The following KCNQ1 variants were observed in gnomAD, a reference collection of about 807,000 sequenced individuals.
The protein encoded by KCNQ1 is potassium voltage-gated channel subfamily Q member 1.
Under a neutral mutation model 72.4 loss-of-function variants are expected in KCNQ1, and 49 were observed. The ratio of observed to expected loss-of-function variants is 0.68; its 90% CI spans 0.54 to 0.86. The LOEUF (loss-of-function observed/expected upper bound fraction) is 0.86, where lower values mean the gene tolerates loss of function less well. Ranked by LOEUF, KCNQ1 falls within the 40% of genes least tolerant of loss-of-function variation. The probability of loss-of-function intolerance (pLI) is 0.00; values close to 1 mark genes in which losing one functional copy is unlikely to be tolerated. For missense variants in KCNQ1, 790 were observed against 945.1 expected (o/e 0.84, Z 2.15); for synonymous variants, 450 against 412.6 (o/e 1.09, Z -1.10).
rs566916957 is a variant in KCNQ1, at chr11:2,772,152, G to A, written c.1590+3233G>A. ...CAGTAGCCCGTGGCAGTGAGGAGCTGTGTGTGGCTCCAGGGGCTCCCCTAG... is the reference window on the plus strand; with the variant it reads ...CAGTAGCCCGTGGCAGTGAGGAGCTATGTGTGGCTCCAGGGGCTCCCCTAG... On this transcript the variant is annotated intron_variant, in intron 12 of 15. Transcript: ENST00000155840. This position sits in a 1 kb window ranked among gnomAD's most constrained non-coding sequence, Gnocchi z 6.6. Among the ~76,000 whole-genome samples, 1 of 152,266 alleles carries A rather than the reference G, an allele frequency of 6.6e-6. No homozygotes were observed. The highest frequency in any genetic ancestry group is 6.5e-5 in the Admixed American group (1 of 15,308).
rs1847279398 is a variant in KCNQ1 at position 2,515,841 on chromosome 11, C to T, written c.387-12087C>T. 2.0e-5 allele frequency among the ~76,000 whole-genome samples: 3 copies of T among 152,158 alleles called. No homozygotes were observed. Among genetic ancestry groups the T allele is most frequent in the South Asian group, 4.1e-4 (2 of 4,828 alleles). ...TCGGCCCTGGGGGGCTTGTGCTCTG[C>T]CGGGCCACCTGCACCCTCCGGGCCC... On this transcript the variant is annotated intron_variant, in intron 1 of 15. Transcript: ENST00000155840. The surrounding 1 kb of genome is among the most constrained non-coding windows in gnomAD (Gnocchi z 4.7).
In KCNQ1 at chr11:2,507,438, G is replaced by T. The variant is rs1169165551; in HGVS notation, c.387-20490G>T. On this transcript the variant is annotated intron_variant, in intron 1 of 15. Transcript: ENST00000155840. The surrounding 1 kb of genome is among the most constrained non-coding windows in gnomAD (Gnocchi z 5.4). ...TTTGCTCTAGAGGGTTTGAAGGAAG[G>T]GTGAGAAGTCAGGACCACTGCTGTA... Among the ~76,000 whole-genome samples, 1 of 152,122 alleles carries T rather than the reference G, an allele frequency of 6.6e-6. No homozygotes were observed. The highest frequency in any genetic ancestry group is 1.5e-5 in the Non-Finnish European group (1 of 68,026).
rs1218858676 is a variant in KCNQ1 at position 2,653,034 on chromosome 11, T to TGTGAGATCCAAC, written c.1394-8926_1394-8915dup. The TGTGAGATCCAAC allele has an allele frequency of 5.0e-6, 2 of 398,542 alleles. No individual in the cohort carries two copies. Among genetic ancestry groups the TGTGAGATCCAAC allele is most frequent in the African/African-American group, 4.1e-5 (2 of 48,624 alleles). The allele number at this position is 398,542 out of a possible 1,614,324, so 24.7% of individuals were successfully genotyped here. A position where few individuals can be genotyped will look rare whatever the true frequency, so the allele number is the denominator to read the frequency against. ...TCTATTCTGCACACCTTTGATCCAA[T>TGTGAGATCCAAC]GTGAGATCCAACATGTTCCATAATT... On this transcript the variant is annotated intron_variant, in intron 10 of 15. Transcript: ENST00000155840. The surrounding 1 kb of genome is among the most constrained non-coding windows in gnomAD (Gnocchi z 5.3).
At chr11:2,604,492 A>T (rs900673750) in intron 10 of KCNQ1, among the ~76,000 whole-genome samples, 2 of 151,930 alleles carry the variant, frequency 1.3e-5, no homozygotes, top group African/African-American at 4.8e-5. Context: ...ACAAAAAGAA[A>T]GGAAGAAAAG....
intron 11 of KCNQ1, chr11:2,688,007 TC>T (rs942886533): frequency 5.0e-6 from 2 of 398,384 alleles, no homozygotes; most frequent in African/African-American, 4.1e-5. Context: ...GAGGGAGGGG[TC>T]AGCACCCCTC....
At position 2,830,903 on chromosome 11, in the gene KCNQ1, C is replaced by T. The variant is rs1847933327; in HGVS notation, c.1795-16864C>T. 6.6e-6 allele frequency among the ~76,000 whole-genome samples: 1 copy of T among 152,176 alleles called. No individual in the cohort carries two copies. The highest frequency in any genetic ancestry group is 1.5e-5 in the Non-Finnish European group (1 of 68,008). ...GGAAAATGCAGGGTTAGGAGCTGAC[C>T]AGGGAGTCTTTGAAACCGCAAGGGT... On this transcript the variant is annotated intron_variant, in intron 15 of 15. Transcript: ENST00000155840. This position sits in a 1 kb window ranked among gnomAD's most constrained non-coding sequence, Gnocchi z 7.7.
Position 2,477,919 on chromosome 11 carries a change from C to T in KCNQ1, c.386+32435C>T, listed in dbSNP as rs1204862880. ...GGCTGGAAGGCCATCAAGGAAACCC[C>T]GTGGCAGGGGCAGGGGTTCAAAGAG... On this transcript the variant is annotated intron_variant, in intron 1 of 15. Transcript: ENST00000155840. This position sits in a 1 kb window ranked among gnomAD's most constrained non-coding sequence, Gnocchi z 5.0. Among the ~76,000 whole-genome samples, 8 of 152,122 alleles carry T rather than the reference C, an allele frequency of 5.3e-5. No individual in the cohort carries two copies. The highest frequency in any genetic ancestry group is 1.4e-4 in the African/African-American group (6 of 41,420).
chr11:2,519,237 G>A (rs907574807), intron 1 of KCNQ1, among the ~76,000 whole-genome samples: 1 of 152,228 alleles, frequency 6.6e-6, no homozygotes, highest in Non-Finnish European at 1.5e-5. Context: ...CGCCTGTGCC[G>A]GGAATCACCA....
Position 2,670,426 on chromosome 11 carries a change from G to C in KCNQ1, c.1514+8345G>C. The C allele has an allele frequency of 7.5e-6, 3 of 398,108 alleles. No homozygotes were observed. The highest frequency in any genetic ancestry group is 1.3e-5 in the Non-Finnish European group (3 of 225,976). The allele number at this position is 398,108 out of a possible 1,614,324, so 24.7% of individuals were successfully genotyped here. On this transcript the variant is annotated intron_variant, in intron 11 of 15. Coordinates refer to ENST00000155840, the MANE Select transcript of KCNQ1 (RefSeq NM_000218.3). This position sits in a 1 kb window ranked among gnomAD's most constrained non-coding sequence, Gnocchi z 4.9. ...ATGTGTATTTCTTGTGTTGGGGTTA[G>C]GAGATACTGCTGTTGGCTGAGACAC... is the stretch of plus-strand genomic sequence containing the variant.
At chr11:2,553,666 T>C (rs1345842768) in intron 2 of KCNQ1, among the ~76,000 whole-genome samples, 1 of 151,754 alleles carries the variant, frequency 6.6e-6, no homozygotes, top group Non-Finnish European at 1.5e-5. Flanking sequence ...TTTTATTTTA[T>C]TTTATTTTAT....
intron 2 of KCNQ1, among the ~76,000 whole-genome samples, chr11:2,560,762 C>T (rs1170293429): frequency 6.6e-6 from 1 of 152,028 alleles, no homozygotes; most frequent in East Asian, 1.9e-4. Context: ...GAGCTGGTCT[C>T]AGCACTGAGC....
chr11:2,834,089 C>T (rs1348786843), intron 15 of KCNQ1, among the ~76,000 whole-genome samples: 2 of 152,200 alleles, frequency 1.3e-5, no homozygotes, highest in South Asian at 2.1e-4. Context: ...CTGCTGCATT[C>T]GTGCAGGATG....
rs909322260 is a variant in KCNQ1, at chr11:2,725,113, C to T, written c.1515-43731C>T. On this transcript the variant is annotated intron_variant, in intron 11 of 15. Coordinates refer to ENST00000155840, the MANE Select transcript of KCNQ1 (RefSeq NM_000218.3). The surrounding 1 kb of genome is among the most constrained non-coding windows in gnomAD (Gnocchi z 7.2). ...CTCACGTCTTGAAGCAGTGCTGGAC[C>T]CGTTTCAGCTCCAGGGGAGAGCCAG... is the stretch of plus-strand genomic sequence containing the variant. 6.6e-6 allele frequency among the ~76,000 whole-genome samples: 1 copy of T among 152,176 alleles called. No individual in the cohort carries two copies. The highest frequency in any genetic ancestry group is 2.4e-5 in the African/African-American group (1 of 41,436).
At chr11:2,520,816 G>A (rs7935227) in intron 1 of KCNQ1, among the ~76,000 whole-genome samples, 6,070 of 152,178 alleles carry the variant, frequency 0.04, 400 homozygotes, top group African/African-American at 0.14. Context: ...GCCCCTAGAA[G>A]TGGTTTGGGG....
chr11:2,631,100 G>A (rs1182683456), intron 10 of KCNQ1: 4 of 398,380 alleles, frequency 1.0e-5, no homozygotes, highest in African/African-American at 6.2e-5. Flanking sequence ...TGAGCTTCAT[G>A]TACCTAGATG....
chr11:2,838,380 G>T (rs1280020923), intron 15 of KCNQ1, among the ~76,000 whole-genome samples: 1 of 152,188 alleles, frequency 6.6e-6, no homozygotes. Context: ...GTGAGGCCAG[G>T]GATGGGGGCT....
intron 10 of KCNQ1, chr11:2,614,852 A>G (rs1849035971): frequency 7.5e-6 from 3 of 398,440 alleles, no homozygotes; most frequent in East Asian, 3.6e-5. Context: ...TTCTTTTTCA[A>G]TATGATTTTA....
rs548518331 is a variant in KCNQ1, at chr11:2,809,651, C to A, written c.1794+31614C>A. Among the ~76,000 whole-genome samples, 1 of 152,116 alleles carries A rather than the reference C, an allele frequency of 6.6e-6. No individual in the cohort carries two copies. The highest frequency in any genetic ancestry group is 1.5e-5 in the Non-Finnish European group (1 of 68,038). On this transcript the variant is annotated intron_variant, in intron 15 of 15. Coordinates refer to ENST00000155840, the MANE Select transcript of KCNQ1 (RefSeq NM_000218.3). The surrounding 1 kb of genome is among the most constrained non-coding windows in gnomAD (Gnocchi z 7.1). ...GCCTCGGTCGCTGACTCCAGAGGGC[C>A]CCACGGCTCATGCCTGCTTCCCTGC...
chr11:2,632,616 T>G (rs1205049510), intron 10 of KCNQ1: 5 of 398,278 alleles, frequency 1.3e-5, no homozygotes, highest in African/African-American at 4.1e-5. Flanking sequence ...CATAATCAAA[T>G]CAGGGTAATT....
Sources: allele counts gnomAD v4.1 joint callset (sites outside exome capture counted in the v4.1 genomes callset), GRCh38; gene constraint gnomAD v4.1.1; non-coding constraint Gnocchi (gnomAD v3.1); transcripts MANE v1.5; gene names NCBI Gene and HGNC (gene_info 2026-07-23, HGNC 2026-07-21).